The following ATP8A2 variants were observed in gnomAD, a reference collection of about 807,000 sequenced individuals.
ATP8A2 encodes the protein ATPase phospholipid transporting 8A2.
Under a neutral mutation model 165.6 loss-of-function variants are expected in ATP8A2, and 100 were observed. The observed-to-expected ratio is 0.60, with a 90% CI of 0.51 to 0.71. The LOEUF (loss-of-function observed/expected upper bound fraction) is 0.71. Among genes scored for constraint, ATP8A2 ranks in the 30% least tolerant of loss-of-function variants. The pLI is 0.00. For missense variants in ATP8A2, 1,227 were observed against 1,479.5 expected (o/e 0.83, Z 2.80); for synonymous variants, 543 against 548.8 (o/e 0.99, Z 0.15).
At chr13:25,399,120 G>C (rs2033533637) in intron 1 of ATP8A2, among the ~76,000 whole-genome samples, 1 of 152,142 alleles carries the variant, frequency 6.6e-6, no homozygotes, top group African/African-American at 2.4e-5. Flanking sequence ...TAAATAACCA[G>C]CTCTAAGGAG....
intron 24 of ATP8A2, among the ~76,000 whole-genome samples, chr13:25,626,897 G>A (rs9511838): frequency 0.14 from 21,511 of 152,032 alleles, 1,821 homozygotes; most frequent in Admixed American, 0.26. Context: ...CCAAGCAAAA[G>A]GGGTTTCCCC....
At position 25,372,455 on chromosome 13, in the gene ATP8A2, G is replaced by A. The variant is rs2032444836; in HGVS notation, c.76+167G>A. 1.3e-5 allele frequency among the ~76,000 whole-genome samples: 2 copies of A among 152,152 alleles called. No individual in the cohort carries two copies. Among genetic ancestry groups the A allele is most frequent in the African/African-American group, 4.8e-5 (2 of 41,448 alleles). ...CCGACGCGGCGCGCTGGCCGCACGG[G>A]GGCTGGGCGTCGCTGCACCTGCGGG... On this transcript the variant is annotated intron_variant, in intron 1 of 36. Coordinates refer to ENST00000381655, the MANE Select transcript of ATP8A2 (RefSeq NM_016529.6). This position sits in a 1 kb window ranked among gnomAD's most constrained non-coding sequence, Gnocchi z 4.8.
chr13:25,713,525 C>G (rs1027198818), intron 25 of ATP8A2, among the ~76,000 whole-genome samples: 2 of 152,056 alleles, frequency 1.3e-5, no homozygotes, highest in Non-Finnish European at 2.9e-5. Context: ...TGCCTTGTAC[C>G]GAGATTCTCA....
intron 34 of ATP8A2, 82 bp downstream of exon 34, chr13:25,961,745 G>A: frequency 4.8e-6 from 5 of 1,035,584 alleles, no homozygotes; most frequent in Non-Finnish European, 7.3e-6. Context: ...CTGCTACAGG[G>A]TATGAGAATG....
chr13:25,429,592 C>T (rs2034548660), intron 1 of ATP8A2, among the ~76,000 whole-genome samples: 2 of 152,226 alleles, frequency 1.3e-5, no homozygotes, highest in Admixed American at 6.5e-5. Context: ...AAATGAGTCA[C>T]CTTAATAGAC....
In ATP8A2 at chr13:25,969,702, G is replaced by A. The variant is rs946053037; in HGVS notation, c.3377+1023G>A. ...ATGATGGCATAGAGTTGAAGTTGTG[G>A]TTTTGTATTTATTTATGAGTTATTT... is the stretch of plus-strand genomic sequence containing the variant. On this transcript the variant is annotated intron_variant, in intron 35 of 36. Coordinates refer to ENST00000381655, the MANE Select transcript of ATP8A2 (RefSeq NM_016529.6). 2.7e-5 allele frequency among the ~76,000 whole-genome samples: 4 copies of A among 147,910 alleles called. No homozygotes were observed. The East Asian group carries it at 8.1e-4, about 30-fold the overall frequency.
intron 24 of ATP8A2, among the ~76,000 whole-genome samples, chr13:25,610,260 A>T (rs747043262): frequency 1.1e-4 from 16 of 152,144 alleles, no homozygotes; most frequent in Non-Finnish European, 2.1e-4. Flanking sequence ...CTTACATTTA[A>T]GTCTTTGATC....
intron 25 of ATP8A2, among the ~76,000 whole-genome samples, chr13:25,756,366 G>A (rs1426103984): frequency 4.3e-5 from 6 of 138,412 alleles, no homozygotes; most frequent in South Asian, 2.3e-4. Flanking sequence ...TTGCTCTTTC[G>A]TCCAGGCTGG....
At chr13:25,877,633 G>A (rs1186332228) in intron 33 of ATP8A2, among the ~76,000 whole-genome samples, 2 of 152,152 alleles carry the variant, frequency 1.3e-5, no homozygotes, top group African/African-American at 4.8e-5. Flanking sequence ...ACTTAAGGGT[G>A]TCTCCTCCCA....
chr13:25,766,207 G>T (rs915011988), intron 25 of ATP8A2, among the ~76,000 whole-genome samples: 21 of 152,170 alleles, frequency 1.4e-4, no homozygotes, highest in Admixed American at 1.3e-3. Flanking sequence ...ATAATCATAA[G>T]AATCCAGACT....
intron 33 of ATP8A2, among the ~76,000 whole-genome samples, chr13:25,927,536 G>A (rs1169172286): frequency 6.6e-6 from 1 of 152,146 alleles, no homozygotes; most frequent in African/African-American, 2.4e-5. Context: ...AGTTAGATGA[G>A]TTCATGCTGA....
At chr13:25,751,153 A>G (rs1193443977) in intron 25 of ATP8A2, among the ~76,000 whole-genome samples, 1 of 152,200 alleles carries the variant, frequency 6.6e-6, no homozygotes, top group Non-Finnish European at 1.5e-5. Flanking sequence ...TAACTAAGTC[A>G]ACCTCCCATA....
At position 25,910,739 on chromosome 13, in the gene ATP8A2, C is replaced by T. The variant is rs564380008; in HGVS notation, c.3183+48331C>T. On this transcript the variant is annotated intron_variant, in intron 33 of 36. Transcript: ENST00000381655. ...GGTTGAATGAAGATGGTGGTCTTTG[C>T]GCAATATCCATGTATTAATACATTA... 6.6e-5 allele frequency among the ~76,000 whole-genome samples: 10 copies of T among 152,184 alleles called. No homozygotes were observed. In the East Asian group the frequency reaches 1.7e-3, roughly 26 times the overall value.
chr13:25,754,417 G>A (rs528350414), intron 25 of ATP8A2, among the ~76,000 whole-genome samples: 11 of 146,852 alleles, frequency 7.5e-5, no homozygotes, highest in Non-Finnish European at 9.0e-5. Context: ...AAAAGTATGC[G>A]ATTTTTTTTT....
At chr13:25,481,331 C>T (rs569454601) in intron 2 of ATP8A2, among the ~76,000 whole-genome samples, 2 of 152,322 alleles carry the variant, frequency 1.3e-5, no homozygotes, top group East Asian at 1.9e-4. Flanking sequence ...TAACTAGCGA[C>T]TGTGTGGCCA....
At chr13:25,561,797 C>A (rs12385841) in intron 15 of ATP8A2, among the ~76,000 whole-genome samples, 12 of 152,084 alleles carry the variant, frequency 7.9e-5, no homozygotes, top group South Asian at 2.1e-4. Flanking sequence ...CCTCCAGACC[C>A]TAGTAACCAC....
intron 17 of ATP8A2, among the ~76,000 whole-genome samples, chr13:25,571,217 G>A (rs2039458953): frequency 6.6e-6 from 1 of 152,178 alleles, no homozygotes; most frequent in Non-Finnish European, 1.5e-5. Context: ...GGGAAGCTGT[G>A]CATGGGGGTA....
intron 1 of ATP8A2, among the ~76,000 whole-genome samples, chr13:25,439,188 T>C (rs2034861807): frequency 6.6e-6 from 1 of 152,192 alleles, no homozygotes; most frequent in Non-Finnish European, 1.5e-5. Flanking sequence ...CCACAGGACC[T>C]GGCAAGGGCA....
chr13:25,679,337 T>G (rs1484936352), intron 24 of ATP8A2, among the ~76,000 whole-genome samples: 2 of 152,172 alleles, frequency 1.3e-5, no homozygotes, highest in African/African-American at 2.4e-5. Context: ...GAGACTGAGT[T>G]TGGAAGCCAG....
Sources: gnomAD v4.1 joint callset for allele counts (sites outside exome capture counted in the v4.1 genomes callset) on GRCh38, gnomAD v4.1.1 for gene constraint, Gnocchi (gnomAD v3.1) non-coding constraint, MANE v1.5 for transcripts, NCBI Gene and HGNC (gene_info 2026-07-23, HGNC 2026-07-21) for gene names.